MCOLN2: variants seen among roughly 807,000 people sequenced by gnomAD.
MCOLN2 encodes mucolipin-2.
A neutral mutation model predicts 67.5 loss-of-function variants in MCOLN2; 57 were observed. That is an observed-to-expected ratio of 0.84 (90% CI 0.68 to 1.05). The LOEUF (loss-of-function observed/expected upper bound fraction) is 1.05, where lower values mean the gene tolerates loss of function less well. Ranked by LOEUF, MCOLN2 falls within the 50% of genes least tolerant of loss-of-function variation. The pLI, the probability that MCOLN2 is intolerant of heterozygous loss-of-function variation, is 0.00. For missense variants in MCOLN2, 620 were observed against 678.8 expected, an observed-to-expected ratio of 0.91 and a Z score of 0.96; for synonymous variants, 246 against 233.3, an observed-to-expected ratio of 1.05 and a Z score of -0.50.
intron 4 of MCOLN2, 69 bp downstream of exon 4, chr1:84,956,362 G>A (rs1036120053): frequency 1.5e-5 from 23 of 1,510,320 alleles, no homozygotes; most frequent in Non-Finnish European, 2.1e-5. Context: ...TGGGTTGCTA[G>A]CACATGAGGG....
At chr1:84,978,014 A>C (rs899367096) in intron 1 of MCOLN2, among the ~76,000 whole-genome samples, 10 of 152,212 alleles carry the variant, frequency 6.6e-5, no homozygotes, top group Non-Finnish European at 1.0e-4. Flanking sequence ...TTAAAACATT[A>C]ACAAAATTGA....
At chr1:84,980,161 A>C (rs1216289863) in intron 1 of MCOLN2, among the ~76,000 whole-genome samples, 1 of 152,206 alleles carries the variant, frequency 6.6e-6, no homozygotes, top group Non-Finnish European at 1.5e-5. Flanking sequence ...CTGATGAAAG[A>C]AATTGAAGAG....
chr1:84,985,024 G>A (rs1388208735), intron 1 of MCOLN2, among the ~76,000 whole-genome samples: 1 of 151,800 alleles, frequency 6.6e-6, no homozygotes, highest in East Asian at 1.9e-4. Flanking sequence ...TTAAAAATGT[G>A]TGACATTTTG....
chr1:84,996,431 T>TATATA (rs1651157472), intron 1 of MCOLN2, among the ~76,000 whole-genome samples: 1 of 131,528 alleles, frequency 7.6e-6, no homozygotes, highest in African/African-American at 2.9e-5. Flanking sequence ...TATATATATA[T>TATATA]GTTTGGAGAG....
At chr1:84,926,795 T>C in intron 13 of MCOLN2, 74 bp from the exon 14 acceptor site, 1 of 1,166,712 alleles carries the variant, frequency 8.6e-7, no homozygotes, top group Non-Finnish European at 1.2e-6. Flanking sequence ...ATAGGAATAC[T>C]CTATATTCTA....
chr1:84,953,396 A>G (rs1648606168), intron 4 of MCOLN2, among the ~76,000 whole-genome samples: 1 of 152,122 alleles, frequency 6.6e-6, no homozygotes, highest in Admixed American at 6.5e-5. Context: ...CTAAAAATAC[A>G]AAATTTAGCC....
At chr1:84,987,494 G>GTATATATATCTATA (rs371006356) in intron 1 of MCOLN2, among the ~76,000 whole-genome samples, 3 of 53,550 alleles carry the variant, frequency 5.6e-5, no homozygotes, top group African/African-American at 7.3e-5. Context: ...ATATACATAT[G>GTATATATATCTATA]TATACATAGA....
At position 84,939,636 on chromosome 1, in the gene MCOLN2, T is replaced by C. The variant is rs779673187; in HGVS notation, c.1027A>G (p.Ile343Val). ...PVCDTDQWEF[I>V]NGWYVLVIIS... Reference sequence around the variant, plus strand: ...ATCACCAGGACATACCAGCCGTTGATGAACTCCCACTGGTCGGTGTCACAC... The same window carrying C: ...ATCACCAGGACATACCAGCCGTTGACGAACTCCCACTGGTCGGTGTCACAC... Residue 343 changes from isoleucine (I) to valine (V), a missense_variant, in exon 9 of 14, where the codon ATC becomes GTC. Ile to Val is a conservative substitution (Grantham distance 29). Transcript: ENST00000370608. 7 of 1,614,022 alleles carry C rather than the reference T, an allele frequency of 4.3e-6. No homozygotes were observed. The highest frequency in any genetic ancestry group is 2.2e-5 in the South Asian group (2 of 91,090).
At chr1:84,971,499 T>TACACACACACACAC (rs71097870) in intron 1 of MCOLN2, among the ~76,000 whole-genome samples, 4 of 132,184 alleles carry the variant, frequency 3.0e-5, no homozygotes, top group South Asian at 5.3e-4. Context: ...TAAACAGACA[T>TACACACACACACAC]ACACACACAC....
At chr1:84,967,896 G>A (rs12755713) in intron 1 of MCOLN2, among the ~76,000 whole-genome samples, 4 of 151,344 alleles carry the variant, frequency 2.6e-5, no homozygotes, top group Non-Finnish European at 5.9e-5. Flanking sequence ...GAGGGAGGGA[G>A]GGAAGGAAGG....
Position 84,997,016 on chromosome 1 carries a change from C to A in MCOLN2, c.-144G>T, listed in dbSNP as rs2102901088. 1.4e-6 allele frequency: 1 copy of A among 699,142 alleles called. No individual in the cohort carries two copies. Among genetic ancestry groups the A allele is most frequent in the Non-Finnish European group, 2.4e-6 (1 of 416,606 alleles). 43.3% of individuals were successfully genotyped at this position (699,142 alleles called of 1,614,324 possible). A position where few individuals can be genotyped will look rare whatever the true frequency, so the allele number is the denominator to read the frequency against. Reference sequence around the variant, plus strand: ...GGGTTCCCTTCTCTTACCCTTTCTGCCGGCCGCGTGGTGCGCGCAGACCCC... The same window carrying A: ...GGGTTCCCTTCTCTTACCCTTTCTGACGGCCGCGTGGTGCGCGCAGACCCC... On this transcript the variant is annotated 5_prime_UTR_variant, in exon 1 of 14. Coordinates refer to ENST00000370608, the MANE Select transcript of MCOLN2 (RefSeq NM_153259.4).
intron 1 of MCOLN2, among the ~76,000 whole-genome samples, chr1:84,989,322 A>G (rs1314698948): frequency 6.6e-6 from 1 of 152,226 alleles, no homozygotes; most frequent in Non-Finnish European, 1.5e-5. Flanking sequence ...AAAGTCTAAA[A>G]TATTAGTATT....
intron 1 of MCOLN2, among the ~76,000 whole-genome samples, chr1:84,980,775 C>G (rs548513833): frequency 1.7e-3 from 255 of 152,154 alleles, no homozygotes; most frequent in Middle Eastern, 3.4e-3. Flanking sequence ...CAATACCCCA[C>G]AAGCACAGAT....
At chr1:84,981,848 A>C (rs1044482450) in intron 1 of MCOLN2, among the ~76,000 whole-genome samples, 1 of 152,226 alleles carries the variant, frequency 6.6e-6, no homozygotes, top group African/African-American at 2.4e-5. Context: ...TAAATGCTTG[A>C]GGGAATGAAT....
chr1:84,937,530 T>A, intron 11 of MCOLN2: 1 of 1,180,620 alleles, frequency 8.5e-7, no homozygotes, highest in East Asian at 3.2e-5. Flanking sequence ...CCCAGACAAC[T>A]ATAATACATG....
At chr1:84,944,647 T>C (rs1210333467) in intron 7 of MCOLN2, among the ~76,000 whole-genome samples, 1 of 152,194 alleles carries the variant, frequency 6.6e-6, no homozygotes. Context: ...AATTCCTATA[T>C]TTATGAAACC....
chr1:84,933,534 A>AT (rs751963353), intron 11 of MCOLN2, among the ~76,000 whole-genome samples: 10 of 152,218 alleles, frequency 6.6e-5, no homozygotes, highest in Non-Finnish European at 1.2e-4. Context: ...CAGAGTAAAT[A>AT]TTTTCCATAC....
chr1:84,987,569 G>GATGTATACATCT (rs1426331500), intron 1 of MCOLN2, among the ~76,000 whole-genome samples: 14,751 of 75,980 alleles, frequency 0.19, 3,857 homozygotes, highest in Non-Finnish European at 0.23. Context: ...TGTATACATA[G>GATGTATACATCT]ATGTATACAT....
chr1:84,940,997 G>A lies in MCOLN2; in HGVS notation c.848-6C>T, dbSNP rs2102816466. ...ATACTGAGCATTTTTCTGAGCTGAG[G>A]AATAAAACAGAATTCAAATGTTAAA... On this transcript the variant is annotated splice_region_variant and splice_polypyrimidine_tract_variant and intron_variant, in intron 7 of 13. Coordinates refer to ENST00000370608, the MANE Select transcript of MCOLN2 (RefSeq NM_153259.4). 2 of 1,567,760 alleles carry A rather than the reference G, an allele frequency of 1.3e-6. 1 individual carries two copies. The highest frequency in any genetic ancestry group is 2.3e-5 in the South Asian group (2 of 88,488).
Sources: allele counts gnomAD v4.1 joint callset (sites outside exome capture counted in the v4.1 genomes callset), GRCh38; gene constraint gnomAD v4.1.1; transcripts MANE v1.5; gene names NCBI Gene and HGNC (gene_info 2026-07-23, HGNC 2026-07-21).